Variants in HAO2 observed in about 807,000 individuals in gnomAD.
HAO2 encodes 2-Hydroxyacid oxidase 2.
A neutral mutation model predicts 37.4 loss-of-function variants in HAO2; 42 were observed. The ratio of observed to expected loss-of-function variants is 1.12; its 90% confidence interval spans 0.88 to 1.45. The LOEUF (loss-of-function observed/expected upper bound fraction) is 1.45, where lower values mean the gene tolerates loss of function less well. Among genes scored for constraint, HAO2 ranks in the 40% most tolerant of loss-of-function variants. The pLI, the probability that HAO2 is intolerant of heterozygous loss-of-function variation, is 0.00. For missense variants in HAO2, 476 were observed against 430.2 expected, an observed-to-expected ratio of 1.11 and a Z score of -0.94; for synonymous variants, 180 against 162.8, an observed-to-expected ratio of 1.11 and a Z score of -0.81.
chr1:119,380,247 C>G (rs890342697), intron 1 of HAO2, among the ~76,000 whole-genome samples: 4 of 152,096 alleles, frequency 2.6e-5, no homozygotes, highest in African/African-American at 7.2e-5. Flanking sequence ...TTCATTACCC[C>G]CAAGCCCTGT....
chr1:119,382,859 C>T (rs1650064751), intron 2 of HAO2, 56 bp from the exon 3 acceptor site: 2 of 1,554,114 alleles, frequency 1.3e-6, no homozygotes. Context: ...CCAGACAACG[C>T]CTCCCTGCTG....
rs1294693507 is a variant in HAO2, at chr1:119,386,727, G to A, written c.667G>A (p.Gly223Arg). 1 of 1,613,472 alleles carries A rather than the reference G, an allele frequency of 6.2e-7. No individual in the cohort carries two copies. Among genetic ancestry groups the A allele is most frequent in the Non-Finnish European group, 8.5e-7 (1 of 1,179,446 alleles). ...SITRLPIILK[G>R]ILTKEDAELA... is the part of the protein sequence containing the mutation. The stretch of plus-strand genomic sequence containing the variant: ...AACTCGATTGCCCATCATCCTGAAA[G>A]GGATTTTGACAAAAGAGGATGCAGA... Residue 223 changes from glycine to arginine, a missense_variant, in exon 5 of 8, where the codon GGG becomes AGG. Physicochemically the swap from Gly to Arg is moderately radical, Grantham distance 125. Transcript: ENST00000325945.
chr1:119,370,666 T>C (rs183374353), intron 1 of HAO2, among the ~76,000 whole-genome samples: 15 of 152,282 alleles, frequency 9.9e-5, no homozygotes, highest in African/African-American at 3.6e-4. Context: ...GCTTATAATA[T>C]AGTCTGTCTT....
Position 119,392,777 on chromosome 1 carries a change from C to G in HAO2, c.1000+90C>G, listed in dbSNP as rs193128553. The G allele has an allele frequency of 7.1e-6, 6 of 840,278 alleles. No homozygotes were observed. The Admixed American group carries it at 8.5e-5, about 12-fold the overall frequency. 52.1% of individuals were successfully genotyped at this position (840,278 alleles called of 1,614,324 possible). On this transcript the variant is annotated intron_variant, in intron 7 of 7. Coordinates refer to ENST00000325945, the MANE Select transcript of HAO2 (RefSeq NM_016527.4). Reference sequence around the variant, plus strand: ...GTCCTTCCCTCTAGCAGACCCTTTCCTGATGTGGTAGCTGTCCAAAAGATA... The same window carrying G: ...GTCCTTCCCTCTAGCAGACCCTTTCGTGATGTGGTAGCTGTCCAAAAGATA...
Position 119,384,978 on chromosome 1 carries a change from T to TG in HAO2, c.488dup (p.Asn164GlnfsTer5), listed in dbSNP as rs779520607. 2.1e-4 allele frequency: 345 copies of TG among 1,613,630 alleles called. 1 individual carries two copies. The Admixed American group carries it at 5.3e-3, about 25-fold the overall frequency. ...TAATAACTTTGGATACACCTGTATG[T>TG]GGCAACAGGCGACATGACATTCGAA... On this transcript the variant is annotated frameshift_variant, in exon 4 of 8. Coordinates refer to ENST00000325945, the MANE Select transcript of HAO2 (RefSeq NM_016527.4). LOFTEE classifies it high-confidence loss of function.
At position 119,381,726 on chromosome 1, in the gene HAO2, C is replaced by T. The variant is rs11586988; in HGVS notation, c.131+510C>T. 2.0e-3 allele frequency among the ~76,000 whole-genome samples: 297 copies of T among 152,266 alleles called. 2 individuals are homozygous for T. The highest frequency in any genetic ancestry group is 2.8e-3 in the Non-Finnish European group (191 of 68,026). On this transcript the variant is annotated intron_variant, in intron 2 of 7. Coordinates refer to ENST00000325945, the MANE Select transcript of HAO2 (RefSeq NM_016527.4). ...CGGTCAACCAACAGCAGTCCACAGG[C>T]AGAGGCTGACCCGCCACTTATTTTT...
At position 119,384,786 on chromosome 1, in the gene HAO2, G is replaced by C; in HGVS notation, c.294G>C (p.Ala98=). 1 of 1,613,764 alleles carries C rather than the reference G, an allele frequency of 6.2e-7. No homozygotes were observed. Among genetic ancestry groups the C allele is most frequent in the South Asian group, 1.1e-5 (1 of 91,050 alleles). Residue 98 remains alanine, a synonymous_variant, in exon 4 of 8, where the codon GCG becomes GCC. Coordinates refer to ENST00000325945, the MANE Select transcript of HAO2 (RefSeq NM_016527.4). ...TCCTTTGCTTTACAGCTGCCCAAGC[G>C]GCTGGTATCTGCTACATCACCAGCA... ...GEMSTARAAQ[A]AGICYITSTF... is the part of the protein sequence containing the mutation.
intron 1 of HAO2, 109 bp from the exon 2 acceptor site, chr1:119,380,969 A>C: frequency 1.1e-6 from 1 of 912,036 alleles, no homozygotes; most frequent in South Asian, 1.5e-5. Context: ...ATACAGGGAG[A>C]CCAATGTTGA....
Position 119,384,956 on chromosome 1 carries a change from T to G in HAO2, c.464T>G (p.Ile155Arg). 1 of 1,613,616 alleles carries G rather than the reference T, an allele frequency of 6.2e-7. No individual in the cohort carries two copies. Among genetic ancestry groups the G allele is most frequent in the Non-Finnish European group, 8.5e-7 (1 of 1,179,546 alleles). Residue 155 changes from isoleucine (I) to arginine (R), a missense_variant, in exon 4 of 8, where the codon ATA (isoleucine) becomes AGA (arginine). Ile to Arg is a moderately conservative substitution (Grantham distance 97). Coordinates refer to ENST00000325945, the MANE Select transcript of HAO2 (RefSeq NM_016527.4). ...TCCCTAGGTTTCAAAGCTTTGGTAA[T>G]AACTTTGGATACACCTGTATGTGGC... ...VESLGFKALV[I>R]TLDTPVCGNR...
chr1:119,383,759 T>A (rs1195244063), intron 3 of HAO2, among the ~76,000 whole-genome samples: 1 of 152,102 alleles, frequency 6.6e-6, no homozygotes, highest in Non-Finnish European at 1.5e-5. Flanking sequence ...CACATCTGTT[T>A]TTGTGAATTT....
chr1:119,393,700 G>T lies in HAO2; in HGVS notation c.1001-85G>T. ...TGAGCACAAAGATCAAGTCAGACTT[G>T]CTCCCCTTCATCACCCCTTACCCAT... is the stretch of plus-strand genomic sequence containing the variant. On this transcript the variant is annotated intron_variant, in intron 7 of 7. Coordinates refer to ENST00000325945, the MANE Select transcript of HAO2 (RefSeq NM_016527.4). 3.9e-6 allele frequency: 4 copies of T among 1,027,622 alleles called. No individual in the cohort carries two copies. The Admixed American group carries it at 5.1e-5, about 13-fold the overall frequency. 63.7% of individuals were successfully genotyped at this position (1,027,622 alleles called of 1,614,324 possible). A position where few individuals can be genotyped will look rare whatever the true frequency, so the allele number is the denominator to read the frequency against.
intron 5 of HAO2, 52 bp downstream of exon 5, chr1:119,386,883 T>A: frequency 9.3e-7 from 1 of 1,071,344 alleles, no homozygotes; most frequent in Non-Finnish European, 1.5e-6. Context: ...TGTGTGTGTA[T>A]GTGTGAGTGT....
In HAO2 at chr1:119,386,770, A is replaced by G. The variant is rs1650415863; in HGVS notation, c.710A>G (p.Asn237Ser). Residue 237 changes from asparagine (N) to serine (S), a missense_variant, in exon 5 of 8, where the codon AAT (asparagine) becomes AGT (serine). By Grantham distance (46) the Asn-to-Ser change is conservative (BLOSUM62 1). Coordinates refer to ENST00000325945, the MANE Select transcript of HAO2 (RefSeq NM_016527.4). ...KEDAELAVKH[N>S]VQGIIVSNHG... ...GATGCAGAGTTAGCTGTGAAGCACA[A>G]TGTCCAGGGTATCATTGTTTCCAAC... 14 of 1,613,906 alleles carry G rather than the reference A, an allele frequency of 8.7e-6. No homozygotes were observed. Among genetic ancestry groups the G allele is most frequent in the Non-Finnish European group, 1.2e-5 (14 of 1,179,796 alleles).
intron 5 of HAO2, among the ~76,000 whole-genome samples, chr1:119,389,173 ACAGTTTCTT>A: frequency 8.9e-5 from 1 of 11,204 alleles, no homozygotes; most frequent in Non-Finnish European, 1.9e-4. Flanking sequence ...TATATACACC[ACAGTTTCTT>A]TATCCACTCA....
At chr1:119,380,621 T>C in intron 1 of HAO2, 1 of 1,062,912 alleles carries the variant, frequency 9.4e-7, no homozygotes, top group South Asian at 1.3e-5. Flanking sequence ...GGGAATGCCA[T>C]GACGTGGGCA....
At chr1:119,385,595 A>C (rs927901638) in intron 4 of HAO2, 3 of 984,586 alleles carry the variant, frequency 3.0e-6, no homozygotes, top group African/African-American at 1.7e-5. Flanking sequence ...ATGCTATAGC[A>C]CATTTGTTTG....
intron 2 of HAO2, 89 bp from the exon 3 acceptor site, chr1:119,382,826 A>G: frequency 8.1e-7 from 1 of 1,241,062 alleles, no homozygotes; most frequent in Middle Eastern, 2.0e-4. Context: ...TTAGACTTGT[A>G]TCAGGAATCA....
intron 1 of HAO2, among the ~76,000 whole-genome samples, chr1:119,375,247 C>A (rs587751076): frequency 6.6e-6 from 1 of 152,194 alleles, no homozygotes; most frequent in South Asian, 2.1e-4. Flanking sequence ...CCTTTAATTT[C>A]TGGTGGCTTC....
Position 119,369,558 on chromosome 1 carries a change from C to T in HAO2, c.-9+656C>T, listed in dbSNP as rs371662363. Among the ~76,000 whole-genome samples the T allele has an allele frequency of 9.2e-5, 14 of 152,242 alleles. No homozygotes were observed. The East Asian group carries it at 1.4e-3, about 15-fold the overall frequency. On this transcript the variant is annotated intron_variant, in intron 1 of 7. Coordinates refer to ENST00000325945, the MANE Select transcript of HAO2 (RefSeq NM_016527.4). ...GCGTCCATTAGCAGGAAGCAAAATC[C>T]GCAAACTTTTATTCTTAACTACTAC... is the stretch of plus-strand genomic sequence containing the variant.
Sources: allele counts gnomAD v4.1 joint callset (sites outside exome capture counted in the v4.1 genomes callset), GRCh38; gene constraint gnomAD v4.1.1; transcripts MANE v1.5; gene names NCBI Gene and HGNC (gene_info 2026-07-23, HGNC 2026-07-21).